Variants in SGF29 observed in about 807,000 individuals in gnomAD.
The protein encoded by SGF29 is SAGA-associated factor 29.
In SGF29, 15 loss-of-function variants were observed where a neutral mutation model predicts 38.1. The ratio of observed to expected loss-of-function variants is 0.39; its 90% CI spans 0.26 to 0.61. The LOEUF (loss-of-function observed/expected upper bound fraction) is 0.61, where lower values mean the gene tolerates loss of function less well. SGF29 is among the 20% of genes least tolerant of loss of function. The pLI is 0.49. For missense variants in SGF29, 184 were observed against 394.6 expected (o/e 0.47, Z 4.52); for synonymous variants, 151 against 160.8 (o/e 0.94, Z 0.46).
At chr16:28,585,347 C>T in intron 3 of SGF29, 1 of 530,786 alleles carries the variant, frequency 1.9e-6, no homozygotes, top group Non-Finnish European at 3.4e-6. Context: ...CTTTCTTACT[C>T]TGGGTAACTC....
At chr16:28,554,724 G>T (rs1174255158) in intron 1 of SGF29, among the ~76,000 whole-genome samples, 1 of 152,120 alleles carries the variant, frequency 6.6e-6, no homozygotes, top group East Asian at 1.9e-4. Flanking sequence ...CCTCACTAAT[G>T]CCTTTTCTCC....
intron 2 of SGF29, among the ~76,000 whole-genome samples, chr16:28,584,473 C>T (rs991249637): frequency 5.3e-5 from 8 of 150,082 alleles, no homozygotes. Flanking sequence ...GCCAAGATGG[C>T]GAAACCCTGT....
At position 28,576,995 on chromosome 16, in the gene SGF29, G is replaced by A. The variant is rs149413526; in HGVS notation, c.-15-4060G>A. On this transcript the variant is annotated intron_variant, in intron 1 of 9. Transcript: ENST00000317058. ...TCGAGACCGGCCTGGCTAACATGTCGAAACCCCGTCTCTACTAAGAATACA... is the reference window on the plus strand; with the variant it reads ...TCGAGACCGGCCTGGCTAACATGTCAAAACCCCGTCTCTACTAAGAATACA... Among the ~76,000 whole-genome samples the A allele has an allele frequency of 6.6e-5, 10 of 152,118 alleles. No individual in the cohort carries two copies. The East Asian group carries it at 1.2e-3, about 18-fold the overall frequency.
intron 1 of SGF29, among the ~76,000 whole-genome samples, chr16:28,578,996 A>G (rs1192322225): frequency 6.6e-6 from 1 of 152,098 alleles, no homozygotes; most frequent in Non-Finnish European, 1.5e-5. Flanking sequence ...TGTATTGTCC[A>G]GGCTGATCTC....
intron 5 of SGF29, 109 bp from the exon 6 acceptor site, chr16:28,589,987 T>C: frequency 6.9e-7 from 1 of 1,449,812 alleles, no homozygotes; most frequent in Non-Finnish European, 9.2e-7. Flanking sequence ...TCGGGCTCAC[T>C]CGGGAACTGG....
At chr16:28,568,512 T>C (rs1298400632) in intron 1 of SGF29, among the ~76,000 whole-genome samples, 1 of 148,856 alleles carries the variant, frequency 6.7e-6, no homozygotes, top group African/African-American at 2.5e-5. Context: ...CATGAGGTGA[T>C]TGATTATTTA....
Position 28,590,208 on chromosome 16 carries a change from C to G in SGF29, c.402C>G (p.Ile134Met). ...QQSAMTLPLWIGKPGDKPPPL... is the reference protein window; with the variant it reads ...QQSAMTLPLWMGKPGDKPPPL... ...CGGCCATGACCCTGCCCCTGTGGAT[C>G]GGGAAGCCTGGTGACAAGTGAGGGC... is the stretch of plus-strand genomic sequence containing the variant. The change falls in exon 6 of 10, where the codon ATC becomes ATG. Residue 134 changes from isoleucine to methionine, a missense_variant. Around this residue, in one of 2 missense-constraint regions of SGF29, gnomAD observed 107 missense variants for 276.9 expected, o/e 0.39. Transcript: ENST00000317058. This position sits in a 1 kb window ranked among gnomAD's most constrained non-coding sequence, Gnocchi z 8.2. 1 of 1,610,712 alleles carries G rather than the reference C, an allele frequency of 6.2e-7. No homozygotes were observed.
intron 1 of SGF29, among the ~76,000 whole-genome samples, chr16:28,559,288 C>A (rs936037289): frequency 1.3e-5 from 2 of 152,154 alleles, no homozygotes; most frequent in Admixed American, 6.6e-5. Context: ...CCACTTCACT[C>A]CAGCCTGGGC....
At chr16:28,557,735 C>T (rs925844443) in intron 1 of SGF29, among the ~76,000 whole-genome samples, 7 of 152,110 alleles carry the variant, frequency 4.6e-5, no homozygotes, top group Non-Finnish European at 8.8e-5. Flanking sequence ...GGACATCCAG[C>T]GTGTATCCAC....
intron 1 of SGF29, among the ~76,000 whole-genome samples, chr16:28,579,877 G>A (rs1415441600): frequency 6.6e-6 from 1 of 151,810 alleles, no homozygotes; most frequent in Non-Finnish European, 1.5e-5. Flanking sequence ...ATTGCAGTGA[G>A]CCAAGATCAC....
intron 1 of SGF29, among the ~76,000 whole-genome samples, chr16:28,577,629 C>A (rs2046902752): frequency 6.6e-6 from 1 of 152,190 alleles, no homozygotes; most frequent in African/African-American, 2.4e-5. Flanking sequence ...CGTGTAGTTT[C>A]TCTACCTCCT....
In SGF29 at chr16:28,588,961, G is replaced by C. The variant is rs17639997; in HGVS notation, c.225-139G>C. 64 of 826,378 alleles carry C rather than the reference G, an allele frequency of 7.7e-5. 6 individuals carry two copies. The highest frequency in any genetic ancestry group is 3.0e-4 in the Admixed American group (15 of 50,758). The allele number at this position is 826,378 out of a possible 1,614,324, so 51.2% of individuals were successfully genotyped here. ...TGCACACACCTGTCATTCCACCTGC[G>C]CAGGAGGCTACTGTGAGAACCTCTG... On this transcript the variant is annotated intron_variant, in intron 4 of 9. Transcript: ENST00000317058.
At chr16:28,554,309 C>A (rs2046732347) in intron 1 of SGF29, among the ~76,000 whole-genome samples, 1 of 152,022 alleles carries the variant, frequency 6.6e-6, no homozygotes, top group African/African-American at 2.4e-5. Context: ...GCCCTGCGCC[C>A]GGCCGCTCGA....
At chr16:28,582,384 G>T (rs1327516717) in intron 2 of SGF29, among the ~76,000 whole-genome samples, 2 of 151,846 alleles carry the variant, frequency 1.3e-5, no homozygotes, top group Non-Finnish European at 2.9e-5. Flanking sequence ...CATGATGGGG[G>T]GCACGCAACA....
At chr16:28,564,818 C>T (rs994212524) in intron 1 of SGF29, among the ~76,000 whole-genome samples, 3 of 142,660 alleles carry the variant, frequency 2.1e-5, no homozygotes, top group Admixed American at 1.5e-4. Context: ...AACACACACA[C>T]ACACATATAT....
intron 1 of SGF29, among the ~76,000 whole-genome samples, chr16:28,555,926 G>A (rs1456454555): frequency 6.6e-6 from 1 of 152,202 alleles, no homozygotes; most frequent in African/African-American, 2.4e-5. Context: ...CAGAGGAAGA[G>A]CATAGGTTTT....
rs1410273736 is a variant in SGF29 at position 28,584,995 on chromosome 16, AGCT to A, written c.151+9_151+11del. ...ATGCAGACAGAGAACAAGAGTGAGTAGCTGGGCTCAGGAGAGAAAGGGGATGAG... is the reference window on the plus strand; with the variant it reads ...ATGCAGACAGAGAACAAGAGTGAGTAGGGCTCAGGAGAGAAAGGGGATGAG... On this transcript the variant is annotated splice_region_variant and intron_variant, in intron 3 of 9. Transcript: ENST00000317058. The A allele has an allele frequency of 1.9e-6, 3 of 1,612,592 alleles. No individual in the cohort carries two copies. In the African/African-American group the frequency reaches 4.0e-5, roughly 21 times the overall value.
intron 1 of SGF29, among the ~76,000 whole-genome samples, chr16:28,575,202 T>A (rs943140873): frequency 2.0e-5 from 3 of 152,210 alleles, no homozygotes; most frequent in Non-Finnish European, 4.4e-5. Context: ...GTAGCTTCTG[T>A]TCCTAGGTCT....
chr16:28,590,738 C>T lies in SGF29; in HGVS notation c.603-35C>T, dbSNP rs369431238. On this transcript the variant is annotated intron_variant, in intron 8 of 9. Transcript: ENST00000317058. This position sits in a 1 kb window ranked among gnomAD's most constrained non-coding sequence, Gnocchi z 8.2. The stretch of plus-strand genomic sequence containing the variant: ...ACAGCTGAGAAGGAGCATCCCCACC[C>T]GGCCACAGGTTGATATAAGCCCCTC... The T allele has an allele frequency of 4.6e-5, 75 of 1,613,944 alleles. No individual in the cohort carries two copies. The highest frequency in any genetic ancestry group is 6.7e-5 in the African/African-American group (5 of 74,920).
Sources: gnomAD v4.1 joint callset for allele counts (sites outside exome capture counted in the v4.1 genomes callset) on GRCh38, gnomAD v4.1.1 for gene constraint, gnomAD v4.1.1 regional missense constraint, Gnocchi (gnomAD v3.1) non-coding constraint, MANE v1.5 for transcripts, NCBI Gene and HGNC (gene_info 2026-07-23, HGNC 2026-07-21) for gene names.